Variants in TENM2 observed in about 807,000 individuals in gnomAD.
The protein encoded by TENM2 is teneurin-2.
TENM2 carries 52 observed loss-of-function variants against 245.2 expected under a neutral mutation model. That is an observed-to-expected ratio of 0.21 (90% CI 0.17 to 0.27). TENM2 has a LOEUF of 0.27. Among genes scored for constraint, TENM2 ranks in the 10% least tolerant of loss-of-function variants. TENM2 has a pLI of 1.00. For synonymous variants in TENM2, 1,363 were observed against 1,438.9 expected (o/e 0.95, Z 1.19); for missense variants, 3,046 against 3,666.8 (o/e 0.83, Z 4.37).
intron 13 of TENM2, among the ~76,000 whole-genome samples, chr5:168,180,329 A>G (rs1759759492): frequency 6.6e-6 from 1 of 152,244 alleles, no homozygotes. Context: ...ACGTGTATCC[A>G]TATATCAAAG....
At chr5:167,413,756 A>G (rs1028391395) in intron 2 of TENM2, among the ~76,000 whole-genome samples, 1 of 152,186 alleles carries the variant, frequency 6.6e-6, no homozygotes, top group Non-Finnish European at 1.5e-5. Flanking sequence ...TCAAAATAAC[A>G]GAGTGCAATT....
chr5:167,344,305 C>CAT (rs1300424802), intron 1 of TENM2, among the ~76,000 whole-genome samples: 12 of 98,310 alleles, frequency 1.2e-4, no homozygotes, highest in African/African-American at 4.5e-4. Context: ...CACACACACA[C>CAT]ACACATATAT....
At chr5:167,562,596 C>T (rs1181912169) in intron 2 of TENM2, among the ~76,000 whole-genome samples, 1 of 152,120 alleles carries the variant, frequency 6.6e-6, no homozygotes, top group African/African-American at 2.4e-5. Flanking sequence ...GACCTTTTCT[C>T]CTGAGAAGAG....
intron 1 of TENM2, among the ~76,000 whole-genome samples, chr5:167,370,829 C>T (rs1760372809): frequency 6.6e-6 from 1 of 152,164 alleles, no homozygotes; most frequent in Non-Finnish European, 1.5e-5. Flanking sequence ...ATGAAGGGTT[C>T]ACGGCTTTCC....
At chr5:167,189,816 TTC>T in the TENM2 span, among the ~76,000 whole-genome samples, 1 of 152,118 alleles carries the variant, frequency 6.6e-6, no homozygotes, top group African/African-American at 2.4e-5. Context: ...ATATTTCTTT[TTC>T]TTTCTTTTCA....
chr5:167,192,311 A>G, the TENM2 span, among the ~76,000 whole-genome samples: 1 of 152,048 alleles, frequency 6.6e-6, no homozygotes, highest in Non-Finnish European at 1.5e-5. Context: ...TTACGTGTGA[A>G]GAAATGAAGA....
rs973653722 is a variant in TENM2, at chr5:168,102,070, C to T, written c.1813+3943C>T. On this transcript the variant is annotated intron_variant, in intron 9 of 28. Transcript: ENST00000518659. Reference sequence around the variant, plus strand: ...TTTTGTTTTTGTGTGTGTGTGTGTGCGTTTTGTTGTTGTTTTTTTTGAGAT... The same window carrying T: ...TTTTGTTTTTGTGTGTGTGTGTGTGTGTTTTGTTGTTGTTTTTTTTGAGAT... Among the ~76,000 whole-genome samples the T allele has an allele frequency of 2.7e-5, 4 of 146,844 alleles. No homozygotes were observed. In the East Asian group the frequency reaches 8.0e-4, roughly 29 times the overall value.
At chr5:167,845,213 C>G (rs1769923352) in intron 2 of TENM2, among the ~76,000 whole-genome samples, 2 of 150,610 alleles carry the variant, frequency 1.3e-5, no homozygotes, top group Admixed American at 1.3e-4. Context: ...ATTATTACCC[C>G]TTCCCCCGAG....
chr5:167,035,087 T>G, the TENM2 span, among the ~76,000 whole-genome samples: 1 of 152,182 alleles, frequency 6.6e-6, no homozygotes, highest in Non-Finnish European at 1.5e-5. Context: ...ACAATTTAAT[T>G]TTGCTTTTCA....
At chr5:167,700,677 C>T (rs1298630477) in intron 2 of TENM2, among the ~76,000 whole-genome samples, 1 of 152,054 alleles carries the variant, frequency 6.6e-6, no homozygotes, top group East Asian at 1.9e-4. Context: ...ATCAGCATGG[C>T]CATGCTTTTC....
intron 2 of TENM2, among the ~76,000 whole-genome samples, chr5:167,575,032 T>C (rs1774544173): frequency 6.6e-6 from 1 of 152,044 alleles, no homozygotes; most frequent in Non-Finnish European, 1.5e-5. Context: ...ATTATGTGTT[T>C]TTAACCTCAG....
chr5:167,734,765 C>G (rs1023020597), intron 2 of TENM2, among the ~76,000 whole-genome samples: 3 of 152,174 alleles, frequency 2.0e-5, no homozygotes, highest in Non-Finnish European at 4.4e-5. Flanking sequence ...CTACCGCCCT[C>G]TTTTGCAGGG....
chr5:167,330,826 C>T (rs1757417716), intron 1 of TENM2, among the ~76,000 whole-genome samples: 1 of 152,186 alleles, frequency 6.6e-6, no homozygotes, highest in Non-Finnish European at 1.5e-5. Flanking sequence ...GCTTATTCCT[C>T]TATCAAAATT....
At chr5:167,975,081 G>GCGGGCA (rs1782335498) in intron 4 of TENM2, among the ~76,000 whole-genome samples, 1 of 152,222 alleles carries the variant, frequency 6.6e-6, no homozygotes, top group Non-Finnish European at 1.5e-5. Context: ...ATGCCTGAAG[G>GCGGGCA]CGGGCACCTG....
chr5:167,888,025 T>G (rs960867805), intron 3 of TENM2, among the ~76,000 whole-genome samples: 1 of 152,154 alleles, frequency 6.6e-6, no homozygotes, highest in Non-Finnish European at 1.5e-5. Flanking sequence ...TCTCTCCTTA[T>G]AGGGATACCA....
At chr5:167,106,293 A>G in the TENM2 span, among the ~76,000 whole-genome samples, 1 of 152,156 alleles carries the variant, frequency 6.6e-6, no homozygotes, top group South Asian at 2.1e-4. Flanking sequence ...ACAATAATAG[A>G]CCCCAAAGGA....
At chr5:168,171,361 C>G (rs1373025071) in intron 13 of TENM2, among the ~76,000 whole-genome samples, 1 of 152,220 alleles carries the variant, frequency 6.6e-6, no homozygotes, top group Non-Finnish European at 1.5e-5. Flanking sequence ...GCCCTTTCAG[C>G]TAACCACCAT....
chr5:167,571,597 C>T (rs531971075), intron 2 of TENM2, among the ~76,000 whole-genome samples: 13 of 152,172 alleles, frequency 8.5e-5, no homozygotes, highest in Admixed American at 3.3e-4. Context: ...ACTAAGGAAG[C>T]GGTAAAAATA....
At chr5:167,419,738 G>A (rs2127420593) in intron 2 of TENM2, among the ~76,000 whole-genome samples, 1 of 152,252 alleles carries the variant, frequency 6.6e-6, no homozygotes, top group South Asian at 2.1e-4. Context: ...TTTTAAATGA[G>A]TTATGCAACT....
Sources: gnomAD v4.1 joint callset for allele counts (sites outside exome capture counted in the v4.1 genomes callset) on GRCh38, gnomAD v4.1.1 for gene constraint, MANE v1.5 for transcripts, NCBI Gene and HGNC (gene_info 2026-07-23, HGNC 2026-07-21) for gene names.